Variants in WNT10A observed in about 807,000 individuals in gnomAD.
The protein encoded by WNT10A is Wnt family member 10A.
A neutral mutation model predicts 36.1 loss-of-function variants in WNT10A; 37 were observed. The observed-to-expected ratio is 1.02, with a 90% CI of 0.79 to 1.35. The LOEUF is 1.35. Ranked by LOEUF, WNT10A falls within the 40% of genes most tolerant of loss-of-function variation. WNT10A has a pLI of 0.00. For synonymous variants in WNT10A, 255 were observed against 254.1 expected (o/e 1.00, Z -0.03); for missense variants, 613 against 601.4 (o/e 1.02, Z -0.20).
chr2:218,878,652 T>G (rs1944474416), upstream of WNT10A, among the ~76,000 whole-genome samples: 1 of 152,124 alleles, frequency 6.6e-6, no homozygotes. The surrounding 1 kb of genome is among the most constrained non-coding windows in gnomAD (Gnocchi z 4.1). Flanking sequence ...GGAATCCGCA[T>G]TCCCACAATG....
upstream of WNT10A, among the ~76,000 whole-genome samples, chr2:218,879,032 C>T (rs1366384743): frequency 6.6e-6 from 1 of 152,186 alleles, no homozygotes; most frequent in Non-Finnish European, 1.5e-5. Flanking sequence ...CTGCTTGCTG[C>T]CCCTGGCTGT....
chr2:218,889,848 T>G, intron 2 of WNT10A, 136 bp from the exon 3 acceptor site: 1 of 1,439,410 alleles, frequency 6.9e-7, no homozygotes, highest in Non-Finnish European at 9.5e-7. Context: ...CTGCCCTTCT[T>G]TGACTCTGTT....
At chr2:218,878,539 C>G (rs1474963082), upstream of WNT10A, among the ~76,000 whole-genome samples, 3 of 152,106 alleles carry the variant, frequency 2.0e-5, no homozygotes, top group South Asian at 6.2e-4. The surrounding 1 kb of genome is among the most constrained non-coding windows in gnomAD (Gnocchi z 4.1). Context: ...AGGTCAGCAG[C>G]GTTTCCCAAA....
At position 218,890,122 on chromosome 2, in the gene WNT10A, G is replaced by T; in HGVS notation, c.515G>T (p.Arg172Met). Residue 172 changes from arginine to methionine, a missense_variant, in exon 3 of 4, where the codon AGG (arginine) becomes ATG (methionine). Coordinates refer to ENST00000258411, the MANE Select transcript of WNT10A (RefSeq NM_025216.3). Reference sequence around the variant, plus strand: ...CGAGGGGACGAGGAGGCCTTCCGTAGGAAGCTGCACCGCTTACAACTGGAT... The same window carrying T: ...CGAGGGGACGAGGAGGCCTTCCGTATGAAGCTGCACCGCTTACAACTGGAT... ...SRRGDEEAFRRKLHRLQLDAL... is the reference protein window; with the variant it reads ...SRRGDEEAFRMKLHRLQLDAL... 2 of 1,614,162 alleles carry T rather than the reference G, an allele frequency of 1.2e-6. No homozygotes were observed. Among genetic ancestry groups the T allele is most frequent in the Non-Finnish European group, 1.7e-6 (2 of 1,180,034 alleles).
At chr2:218,878,477 G>A (rs1194643349), upstream of WNT10A, among the ~76,000 whole-genome samples, 1 of 152,038 alleles carries the variant, frequency 6.6e-6, no homozygotes, top group African/African-American at 2.4e-5. The surrounding 1 kb of genome is among the most constrained non-coding windows in gnomAD (Gnocchi z 4.1). Context: ...GGGAAGAAAA[G>A]AGACCCCCTC....
Position 218,893,131 on chromosome 2 carries a change from T to G in WNT10A, c.1114T>G (p.Cys372Gly), listed in dbSNP as rs1487577386. The G allele has an allele frequency of 1.3e-5, 21 of 1,593,440 alleles. No individual in the cohort carries two copies. The highest frequency in any genetic ancestry group is 1.8e-5 in the Non-Finnish European group (21 of 1,177,478). The change falls in exon 4 of 4, where the codon TGC becomes GGC. Residue 372 changes from cysteine (C) to glycine (G), a missense_variant. By Grantham distance (159) the Cys-to-Gly change is radical. Transcript: ENST00000258411. This position sits in a 1 kb window ranked among gnomAD's most constrained non-coding sequence, Gnocchi z 6.3. Reference protein sequence around the residue: ...CNKSSAGSDGCGSMCCGRGHN... With the variant: ...CNKSSAGSDGGGSMCCGRGHN... ...CAAGAGCAGCGCCGGCTCGGATGGC[T>G]GCGGCAGCATGTGCTGCGGCCGCGG...
At chr2:218,891,121 A>T (rs1292816888) in intron 3 of WNT10A, among the ~76,000 whole-genome samples, 2 of 152,186 alleles carry the variant, frequency 1.3e-5, no homozygotes, top group Non-Finnish European at 2.9e-5. Context: ...TATTAACCTT[A>T]TGTTGAGATA....
At chr2:218,878,242 A>C (rs1308178820), upstream of WNT10A, among the ~76,000 whole-genome samples, 1 of 151,924 alleles carries the variant, frequency 6.6e-6, no homozygotes, top group African/African-American at 2.4e-5. This position sits in a 1 kb window ranked among gnomAD's most constrained non-coding sequence, Gnocchi z 4.1. Flanking sequence ...TCTGGGCCTC[A>C]CCTACATACA....
At chr2:218,886,482 TAC>T (rs1944578689) in intron 2 of WNT10A, among the ~76,000 whole-genome samples, 1 of 147,146 alleles carries the variant, frequency 6.8e-6, no homozygotes, top group Non-Finnish European at 1.5e-5. Flanking sequence ...CACCCTCCCC[TAC>T]CCTCCAAACC....
At chr2:218,876,102 C>A (rs1339706920), upstream of WNT10A, among the ~76,000 whole-genome samples, 1 of 152,160 alleles carries the variant, frequency 6.6e-6, no homozygotes, top group African/African-American at 2.4e-5. Flanking sequence ...AGACTTTCTC[C>A]ATGACAGCTC....
intron 1 of WNT10A, among the ~76,000 whole-genome samples, chr2:218,881,360 G>A (rs78489160): frequency 6.1e-4 from 92 of 151,736 alleles, no homozygotes; most frequent in African/African-American, 2.0e-3. Context: ...AGGTGTGTGT[G>A]GGGGGGGAGC....
chr2:218,882,749 C>T (rs547326082), intron 2 of WNT10A, among the ~76,000 whole-genome samples: 1 of 152,356 alleles, frequency 6.6e-6, no homozygotes, highest in South Asian at 2.1e-4. Context: ...CTTGCCTCTA[C>T]TTACCCTCTG....
intron 1 of WNT10A, among the ~76,000 whole-genome samples, 196 bp downstream of exon 1, chr2:218,881,304 A>G (rs1944510473): frequency 6.6e-6 from 1 of 152,148 alleles, no homozygotes; most frequent in Admixed American, 6.5e-5. Flanking sequence ...TGGGCAGTCC[A>G]GGGAGACAAG....
At chr2:218,886,890 G>A (rs1403544289) in intron 2 of WNT10A, among the ~76,000 whole-genome samples, 1 of 152,252 alleles carries the variant, frequency 6.6e-6, no homozygotes, top group Non-Finnish European at 1.5e-5. Context: ...AGCTGTCAGA[G>A]GCCACAGGGT....
intron 1 of WNT10A, among the ~76,000 whole-genome samples, chr2:218,881,749 T>A (rs1040023469): frequency 2.6e-5 from 4 of 152,178 alleles, no homozygotes; most frequent in African/African-American, 9.7e-5. Context: ...TGTGCGTAAG[T>A]GTGCTGGGGT....
chr2:218,888,569 C>T lies in WNT10A; in HGVS notation c.377-1415C>T, dbSNP rs375207068. Among the ~76,000 whole-genome samples the T allele has an allele frequency of 2.6e-5, 4 of 152,344 alleles. No homozygotes were observed. The East Asian group carries it at 5.8e-4, about 22-fold the overall frequency. On this transcript the variant is annotated intron_variant, in intron 2 of 3. Coordinates refer to ENST00000258411, the MANE Select transcript of WNT10A (RefSeq NM_025216.3). ...TGCAGGACCCTGGGCTTCCCTCTAG[C>T]GTACCTCCAACAGCCTCTGCAGCTG...
At position 218,890,299 on chromosome 2, in the gene WNT10A, C is replaced by G. The variant is rs755459738; in HGVS notation, c.692C>G (p.Ser231Cys). 5 of 1,605,768 alleles carry G rather than the reference C, an allele frequency of 3.1e-6. No individual in the cohort carries two copies. The African/African-American group carries it at 6.7e-5, about 21-fold the overall frequency. The change falls in exon 3 of 4, where the codon TCC becomes TGC. Residue 231 changes from serine to cysteine, a missense_variant. Transcript: ENST00000258411. Reference sequence around the variant, plus strand: ...CGCTTTTCTAAGGACTTTCTGGACTCCCGGGAGCCTCACAGAGACATCCAC... The same window carrying G: ...CGCTTTTCTAAGGACTTTCTGGACTGCCGGGAGCCTCACAGAGACATCCAC... The part of the protein sequence containing the change: ...GERFSKDFLD[S>C]REPHRDIHAR...
intron 2 of WNT10A, among the ~76,000 whole-genome samples, chr2:218,885,344 T>C (rs1944566387): frequency 6.6e-6 from 1 of 152,218 alleles, no homozygotes; most frequent in South Asian, 2.1e-4. Flanking sequence ...AGATGGTTGG[T>C]TCCTGGGCTG....
At chr2:218,877,983 C>T (rs1402612121), upstream of WNT10A, among the ~76,000 whole-genome samples, 2 of 152,196 alleles carry the variant, frequency 1.3e-5, no homozygotes, top group African/African-American at 4.8e-5. This position sits in a 1 kb window ranked among gnomAD's most constrained non-coding sequence, Gnocchi z 4.1. Flanking sequence ...GCTTCCCCGG[C>T]CCTTCCTCCC....
Sources: allele counts gnomAD v4.1 joint callset (sites outside exome capture counted in the v4.1 genomes callset), GRCh38; gene constraint gnomAD v4.1.1; non-coding constraint Gnocchi (gnomAD v3.1); transcripts MANE v1.5; gene names NCBI Gene and HGNC (gene_info 2026-07-23, HGNC 2026-07-21).